C10orf90: variants seen among roughly 807,000 people sequenced by gnomAD.
C10orf90 encodes chromosome 10 open reading frame 90.
C10orf90 carries 56 observed loss-of-function variants against 62.5 expected under a neutral mutation model. The observed-to-expected ratio is 0.90, with a 90% CI of 0.72 to 1.12. The LOEUF (loss-of-function observed/expected upper bound fraction) is 1.12. Ranked by LOEUF, C10orf90 falls within the 50% of genes most tolerant of loss-of-function variation. C10orf90 has a pLI of 0.00. For synonymous variants in C10orf90, 386 were observed against 340.4 expected, an observed-to-expected ratio of 1.13 and a Z score of -1.47; for missense variants, 970 against 880.4, an observed-to-expected ratio of 1.10 and a Z score of -1.29.
At chr10:126,664,242 A>T (rs1846578380) in intron 1 of C10orf90, among the ~76,000 whole-genome samples, 2 of 152,178 alleles carry the variant, frequency 1.3e-5, no homozygotes, top group South Asian at 4.1e-4. Flanking sequence ...CAGGGAAAGG[A>T]AGTGTTTTGC....
intron 3 of C10orf90, among the ~76,000 whole-genome samples, chr10:126,509,411 C>A (rs1862960420): frequency 6.6e-6 from 1 of 152,110 alleles, no homozygotes. Flanking sequence ...AAGAGGTGTT[C>A]ACATCAAAGT....
At chr10:126,499,170 A>G (rs1862244111) in intron 4 of C10orf90, among the ~76,000 whole-genome samples, 1 of 152,182 alleles carries the variant, frequency 6.6e-6, no homozygotes, top group Non-Finnish European at 1.5e-5. Flanking sequence ...TTGCACTACA[A>G]CAGCAAGTTG....
chr10:126,620,598 A>G (rs576815717), intron 2 of C10orf90, among the ~76,000 whole-genome samples: 2 of 152,324 alleles, frequency 1.3e-5, no homozygotes, highest in South Asian at 4.1e-4. Flanking sequence ...CTTGAACATT[A>G]TTTCTTGGCA....
intron 5 of C10orf90, among the ~76,000 whole-genome samples, chr10:126,462,092 C>T (rs77442103): frequency 0.014 from 2,138 of 152,222 alleles, 53 homozygotes; most frequent in African/African-American, 0.048. Flanking sequence ...TGGTTTGGGG[C>T]TCTTCCTGGG....
At chr10:126,568,083 G>C (rs1260284331) in intron 2 of C10orf90, among the ~76,000 whole-genome samples, 4 of 152,064 alleles carry the variant, frequency 2.6e-5, no homozygotes, top group Non-Finnish European at 5.9e-5. Flanking sequence ...CACCTAAAAG[G>C]TGGGCAAATC....
At chr10:126,623,169 G>T (rs750773961) in intron 2 of C10orf90, among the ~76,000 whole-genome samples, 4 of 152,114 alleles carry the variant, frequency 2.6e-5, no homozygotes, top group Non-Finnish European at 5.9e-5. Context: ...TCAGAGCAAG[G>T]CTTTCCCTGC....
intron 2 of C10orf90, among the ~76,000 whole-genome samples, chr10:126,638,588 C>A (rs1381180528): frequency 2.0e-5 from 3 of 152,130 alleles, no homozygotes; most frequent in Non-Finnish European, 4.4e-5. Flanking sequence ...TGGTGAAAGG[C>A]CTAACATCGA....
rs377429079 is a variant in C10orf90 at position 126,564,200 on chromosome 10, A to G, written c.314-50261T>C. ...AGAAATCCGGAGAAGCATATGCCAAAATGTCAGCAGCAACTTTCCTCTCCA... is the reference window on the plus strand; with the variant it reads ...AGAAATCCGGAGAAGCATATGCCAAGATGTCAGCAGCAACTTTCCTCTCCA... On this transcript the variant is annotated intron_variant, in intron 2 of 9. Transcript: ENST00000488181. Among the ~76,000 whole-genome samples, 9 of 151,990 alleles carry G rather than the reference A, an allele frequency of 5.9e-5. No individual in the cohort carries two copies. The East Asian group carries it at 1.2e-3, about 20-fold the overall frequency.
chr10:126,646,817 A>G (rs753520238), intron 1 of C10orf90, among the ~76,000 whole-genome samples, 180 bp from the exon 2 acceptor site: 2 of 152,164 alleles, frequency 1.3e-5, no homozygotes, highest in Non-Finnish European at 2.9e-5. Flanking sequence ...ACCTCTATCA[A>G]TGACTAAAAG....
At chr10:126,668,840 G>C (rs1343029057) in intron 1 of C10orf90, among the ~76,000 whole-genome samples, 1 of 152,116 alleles carries the variant, frequency 6.6e-6, no homozygotes, top group Non-Finnish European at 1.5e-5. Flanking sequence ...AAATGTAGCT[G>C]TGACTGTCAT....
rs1216727103 is a variant in C10orf90, at chr10:126,670,498, G to A, written c.-18C>T. On this transcript the variant is annotated 5_prime_UTR_variant, in exon 1 of 10. Transcript: ENST00000488181. ...TGCTGCATGAGACTCAGTATCTTGT[G>A]ACTTTAGCTAGTGAGACTGGCAAAC... The A allele has an allele frequency of 2.2e-6, 1 of 455,654 alleles. No individual in the cohort carries two copies. Among genetic ancestry groups the A allele is most frequent in the South Asian group, 1.5e-5 (1 of 64,530 alleles). The allele number at this position is 455,654 out of a possible 1,614,324, so 28.2% of individuals were successfully genotyped here.
At chr10:126,532,860 G>A (rs1011102550) in intron 2 of C10orf90, among the ~76,000 whole-genome samples, 212 of 19,990 alleles carry the variant, frequency 0.011, 80 homozygotes, top group Non-Finnish European at 0.024. Context: ...AAAAAAAATA[G>A]TGAGCACAAA....
intron 3 of C10orf90, among the ~76,000 whole-genome samples, chr10:126,511,005 C>T (rs1294133046): frequency 1.3e-5 from 2 of 152,238 alleles, no homozygotes; most frequent in African/African-American, 2.4e-5. Context: ...CTACGATGTA[C>T]TTGCCCAACA....
chr10:126,622,233 T>C (rs1845658485), intron 2 of C10orf90, among the ~76,000 whole-genome samples: 1 of 152,168 alleles, frequency 6.6e-6, no homozygotes. Flanking sequence ...TGAATTAAAA[T>C]GAGTGAAGGA....
intron 2 of C10orf90, among the ~76,000 whole-genome samples, chr10:126,586,742 C>T (rs1204992838): frequency 6.6e-6 from 1 of 152,064 alleles, no homozygotes; most frequent in Non-Finnish European, 1.5e-5. Context: ...TGGGGAACAG[C>T]CAGAGGGAGA....
At chr10:126,487,825 T>A (rs1466183523) in intron 4 of C10orf90, among the ~76,000 whole-genome samples, 2 of 152,272 alleles carry the variant, frequency 1.3e-5, no homozygotes, top group East Asian at 3.9e-4. Context: ...AAGTCCAATT[T>A]GTGAGAATCA....
At chr10:126,432,528 A>G (rs1043422290) in intron 7 of C10orf90, among the ~76,000 whole-genome samples, 1 of 152,222 alleles carries the variant, frequency 6.6e-6, no homozygotes, top group Non-Finnish European at 1.5e-5. Flanking sequence ...AAATGCCACC[A>G]TGTGTCAAAG....
chr10:126,429,791 T>C lies in C10orf90; in HGVS notation c.2248A>G (p.Lys750Glu), dbSNP rs1395010397. The change falls in exon 8 of 10, where the codon AAG becomes GAG. Residue 750 changes from lysine to glutamate, a missense_variant. Coordinates refer to ENST00000488181, the MANE Select transcript of C10orf90 (RefSeq NM_001350921.2). ...ISEKEMHMRS[K>E]RIYDNLPEVK... ...CACCATACAATAACCAAGTACCTCT[T>C]AGATCGCATATGCATCTCCTTCTCT... The C allele has an allele frequency of 6.2e-7, 1 of 1,613,984 alleles. No homozygotes were observed. The highest frequency in any genetic ancestry group is 1.7e-5 in the Admixed American group (1 of 60,002).
At chr10:126,510,304 T>A (rs187898201) in intron 3 of C10orf90, among the ~76,000 whole-genome samples, 1 of 152,186 alleles carries the variant, frequency 6.6e-6, no homozygotes, top group Non-Finnish European at 1.5e-5. Context: ...AAGAAGGGGA[T>A]GAGATGGGGG....
Sources: allele counts gnomAD v4.1 joint callset (sites outside exome capture counted in the v4.1 genomes callset), GRCh38; gene constraint gnomAD v4.1.1; transcripts MANE v1.5; gene names NCBI Gene and HGNC (gene_info 2026-07-23, HGNC 2026-07-21).